The following SLC16A10 variants were observed in gnomAD, a reference collection of about 807,000 sequenced individuals.
The protein encoded by SLC16A10 is solute carrier family 16 member 10.
Under a neutral mutation model 40.0 loss-of-function variants are expected in SLC16A10, and 27 were observed. The observed-to-expected ratio is 0.67, with a 90% CI of 0.50 to 0.93. The LOEUF (loss-of-function observed/expected upper bound fraction) is 0.93. Among genes scored for constraint, SLC16A10 ranks in the 40% least tolerant of loss-of-function variants. SLC16A10 has a pLI of 0.00. For synonymous variants in SLC16A10, 213 were observed against 249.8 expected, an observed-to-expected ratio of 0.85 and a Z score of 1.39; for missense variants, 529 against 658.2, an observed-to-expected ratio of 0.80 and a Z score of 2.15.
At chr6:111,177,186 T>A in intron 2 of SLC16A10, 26 bp from the exon 3 acceptor site, 1 of 1,404,080 alleles carries the variant, frequency 7.1e-7, no homozygotes, top group Non-Finnish European at 9.4e-7. Flanking sequence ...TGAAAGCTGC[T>A]TTCCATCTTT....
chr6:111,221,692 G>C (rs1025186203), intron 5 of SLC16A10, among the ~76,000 whole-genome samples: 2 of 151,648 alleles, frequency 1.3e-5, no homozygotes, highest in African/African-American at 4.8e-5. Flanking sequence ...GCCTGCATGA[G>C]CCATGATTAT....
At chr6:111,177,147 T>C (rs1772699969) in intron 2 of SLC16A10, 65 bp from the exon 3 acceptor site, 1 of 1,153,140 alleles carries the variant, frequency 8.7e-7, no homozygotes. Context: ...CTATAAGATT[T>C]TATTCTACCA....
In SLC16A10 at chr6:111,221,915, G is replaced by A. The variant is rs971317386; in HGVS notation, c.1316-88G>A. The A allele has an allele frequency of 1.3e-5, 16 of 1,190,856 alleles. No individual in the cohort carries two copies. In the African/African-American group the frequency reaches 2.6e-4, roughly 19 times the overall value. 73.8% of individuals were successfully genotyped at this position (1,190,856 alleles called of 1,614,324 possible). On this transcript the variant is annotated intron_variant, in intron 5 of 5. Transcript: ENST00000368851. ...AAAAAAAAAAAAAAGTCTGATGTCT[G>A]AGATGTCTGAATCAGTCCTGTGGCT...
At chr6:111,209,920 G>A (rs1773318762) in intron 4 of SLC16A10, among the ~76,000 whole-genome samples, 1 of 152,120 alleles carries the variant, frequency 6.6e-6, no homozygotes, top group Non-Finnish European at 1.5e-5. Flanking sequence ...GCTTGGCTGT[G>A]GAAGGAAGGT....
intron 1 of SLC16A10, among the ~76,000 whole-genome samples, chr6:111,119,986 A>G (rs573124325): frequency 3.5e-4 from 53 of 152,376 alleles, no homozygotes; most frequent in South Asian, 8.3e-4. Flanking sequence ...GGCTTAAGCC[A>G]TTAAGTAGTA....
chr6:111,137,859 A>G (rs1771909644), intron 1 of SLC16A10, among the ~76,000 whole-genome samples: 1 of 152,226 alleles, frequency 6.6e-6, no homozygotes, highest in African/African-American at 2.4e-5. Flanking sequence ...CTCACACCCG[A>G]CCAATGAGGT....
chr6:111,100,629 C>T (rs543933893), intron 1 of SLC16A10, among the ~76,000 whole-genome samples: 234 of 151,954 alleles, frequency 1.5e-3, no homozygotes, highest in Non-Finnish European at 2.0e-3. Context: ...CTTCGTGATC[C>T]GCCTCGGCCT....
intron 1 of SLC16A10, among the ~76,000 whole-genome samples, chr6:111,104,309 C>A (rs1771243011): frequency 6.6e-6 from 1 of 151,992 alleles, no homozygotes; most frequent in African/African-American, 2.4e-5. Context: ...CGACCGAAAG[C>A]CGAGTGAGAT....
chr6:111,178,118 C>T (rs574454398), intron 3 of SLC16A10, among the ~76,000 whole-genome samples: 22 of 152,314 alleles, frequency 1.4e-4, no homozygotes, highest in African/African-American at 4.8e-4. Flanking sequence ...TCTTTTTCTT[C>T]ATATGGCTTT....
intron 3 of SLC16A10, among the ~76,000 whole-genome samples, chr6:111,193,720 G>A (rs1049220248): frequency 5.3e-5 from 8 of 152,228 alleles, no homozygotes; most frequent in African/African-American, 1.7e-4. Context: ...ACTCAGGGGT[G>A]GAAATTATCC....
intron 1 of SLC16A10, among the ~76,000 whole-genome samples, chr6:111,119,673 G>A (rs1307708704): frequency 6.6e-6 from 1 of 152,138 alleles, no homozygotes; most frequent in Non-Finnish European, 1.5e-5. Context: ...CAAACCCCTG[G>A]TGTGGCAATA....
chr6:111,124,313 A>C (rs1771633593), intron 1 of SLC16A10, among the ~76,000 whole-genome samples: 2 of 152,124 alleles, frequency 1.3e-5, no homozygotes, highest in South Asian at 4.1e-4. Flanking sequence ...AGTTAAAAAA[A>C]AAAAACTTAA....
intron 3 of SLC16A10, among the ~76,000 whole-genome samples, chr6:111,183,956 G>A (rs1229966637): frequency 6.7e-6 from 1 of 148,536 alleles, no homozygotes; most frequent in East Asian, 1.9e-4. Flanking sequence ...TGAGATAACT[G>A]ATAAATGCCA....
intron 1 of SLC16A10, among the ~76,000 whole-genome samples, chr6:111,164,588 C>T (rs921880907): frequency 4.0e-5 from 6 of 151,768 alleles, no homozygotes; most frequent in South Asian, 2.1e-4. Flanking sequence ...GGTGAAAATC[C>T]GTCTCTACTA....
At chr6:111,151,452 C>A (rs1196778627) in intron 1 of SLC16A10, among the ~76,000 whole-genome samples, 1 of 152,178 alleles carries the variant, frequency 6.6e-6, no homozygotes, top group Non-Finnish European at 1.5e-5. Flanking sequence ...TTTCATCACT[C>A]ACATCTCTCA....
At chr6:111,120,920 G>T (rs1360912628) in intron 1 of SLC16A10, among the ~76,000 whole-genome samples, 1 of 152,126 alleles carries the variant, frequency 6.6e-6, no homozygotes, top group African/African-American at 2.4e-5. Context: ...CACTGAAATA[G>T]AGCTTATTTT....
At chr6:111,105,508 G>A (rs1391597223) in intron 1 of SLC16A10, among the ~76,000 whole-genome samples, 1 of 152,168 alleles carries the variant, frequency 6.6e-6, no homozygotes, top group African/African-American at 2.4e-5. Flanking sequence ...GACATTTGAG[G>A]TTTGTTAGGG....
At chr6:111,162,326 T>C (rs1242067910) in intron 1 of SLC16A10, among the ~76,000 whole-genome samples, 1 of 152,220 alleles carries the variant, frequency 6.6e-6, no homozygotes, top group African/African-American at 2.4e-5. Flanking sequence ...TGGGTTTGTA[T>C]CCTCAAATAC....
intron 3 of SLC16A10, among the ~76,000 whole-genome samples, chr6:111,205,424 T>C (rs1773238594): frequency 6.6e-6 from 1 of 152,150 alleles, no homozygotes; most frequent in Non-Finnish European, 1.5e-5. Context: ...GCTCACTGGC[T>C]ATCTATGGCC....
Sources: gnomAD v4.1 joint callset for allele counts (sites outside exome capture counted in the v4.1 genomes callset) on GRCh38, gnomAD v4.1.1 for gene constraint, MANE v1.5 for transcripts, NCBI Gene and HGNC (gene_info 2026-07-23, HGNC 2026-07-21) for gene names.